The following KIAA1958 variants were observed in gnomAD, a reference collection of about 807,000 sequenced individuals.
The protein encoded by KIAA1958 is uncharacterized protein KIAA1958.
A neutral mutation model predicts 47.2 loss-of-function variants in KIAA1958; 14 were observed. The ratio of observed to expected loss-of-function variants is 0.30; its 90% CI spans 0.20 to 0.46. The LOEUF (loss-of-function observed/expected upper bound fraction) is 0.46, where lower values mean the gene tolerates loss of function less well. KIAA1958 is among the 20% of genes least tolerant of loss of function. KIAA1958 has a pLI of 1.00. For synonymous variants in KIAA1958, 354 were observed against 353.3 expected (o/e 1.00, Z -0.02); for missense variants, 803 against 909.2 (o/e 0.88, Z 1.50).
At chr9:112,502,899 C>G (rs1314740351) in intron 1 of KIAA1958, among the ~76,000 whole-genome samples, 1 of 152,176 alleles carries the variant, frequency 6.6e-6, no homozygotes, top group Non-Finnish European at 1.5e-5. Flanking sequence ...GAATTATTGG[C>G]TAAATCCTTG....
intron 1 of KIAA1958, among the ~76,000 whole-genome samples, chr9:112,566,193 G>A (rs562955448): frequency 2.6e-5 from 4 of 151,928 alleles, no homozygotes; most frequent in African/African-American, 4.8e-5. Context: ...ATGAGCCACC[G>A]TGCCTAGCCT....
chr9:112,493,694 T>C (rs7865240), intron 1 of KIAA1958, among the ~76,000 whole-genome samples: 145,069 of 152,312 alleles, frequency 0.95, 69,133 homozygotes, highest in South Asian at 0.98. Context: ...CTGAAGTTCA[T>C]TGAATTCTTG....
At chr9:112,631,820 T>G (rs1382885200) in intron 2 of KIAA1958, among the ~76,000 whole-genome samples, 1 of 152,196 alleles carries the variant, frequency 6.6e-6, no homozygotes, top group Non-Finnish European at 1.5e-5. Flanking sequence ...TTTTTGAAAG[T>G]AGATTTTTAT....
intron 2 of KIAA1958, among the ~76,000 whole-genome samples, chr9:112,603,611 G>C (rs1266867571): frequency 6.6e-6 from 1 of 152,124 alleles, no homozygotes; most frequent in Non-Finnish European, 1.5e-5. Flanking sequence ...AGGGCCTAGA[G>C]CCCACACCAT....
intron 1 of KIAA1958, among the ~76,000 whole-genome samples, chr9:112,496,254 C>A (rs1587988044): frequency 6.6e-6 from 1 of 152,156 alleles, no homozygotes; most frequent in African/African-American, 2.4e-5. Flanking sequence ...AAACAGTCTA[C>A]AGCTGCATGC....
intron 2 of KIAA1958, among the ~76,000 whole-genome samples, chr9:112,591,363 C>T (rs1050495108): frequency 4.6e-5 from 7 of 151,128 alleles, no homozygotes; most frequent in African/African-American, 1.7e-4. Context: ...GGATTACAGG[C>T]GTGAGCCACC....
At chr9:112,550,136 C>T (rs143356487) in intron 1 of KIAA1958, among the ~76,000 whole-genome samples, 16 of 150,934 alleles carry the variant, frequency 1.1e-4, no homozygotes, top group African/African-American at 3.2e-4. Context: ...GCCTCAGAGC[C>T]GTGTTGATAA....
At chr9:112,534,295 A>G (rs1436584676) in intron 1 of KIAA1958, among the ~76,000 whole-genome samples, 3 of 152,224 alleles carry the variant, frequency 2.0e-5, no homozygotes, top group African/African-American at 7.2e-5. Context: ...TCAGAATGAA[A>G]GGACCAACAG....
Position 112,660,312 on chromosome 9 carries a change from C to T in KIAA1958, c.*243C>T, listed in dbSNP as rs1417434114. ...AACTTCGTTAGCTTTTAGAATCTAA[C>T]ACAATGTATAATTGTTACATACAAG... On this transcript the variant is annotated 3_prime_UTR_variant, in exon 4 of 4. Transcript: ENST00000337530. 5 of 546,660 alleles carry T rather than the reference C, an allele frequency of 9.1e-6. No individual in the cohort carries two copies. Among genetic ancestry groups the T allele is most frequent in the Non-Finnish European group, 1.3e-5 (4 of 304,846 alleles). The allele number at this position is 546,660 out of a possible 1,614,324, so 33.9% of individuals were successfully genotyped here.
chr9:112,606,144 A>G (rs1836230448), intron 2 of KIAA1958, among the ~76,000 whole-genome samples: 1 of 152,180 alleles, frequency 6.6e-6, no homozygotes, highest in African/African-American at 2.4e-5. Flanking sequence ...GAGAGCAGGT[A>G]TCAAGGATGG....
chr9:112,569,659 C>T (rs10817360), intron 1 of KIAA1958, among the ~76,000 whole-genome samples: 45,105 of 150,276 alleles, frequency 0.3, 7,015 homozygotes, highest in Middle Eastern at 0.41. Flanking sequence ...TTGCTCTTGT[C>T]ACCCAGGCTG....
At chr9:112,601,254 G>C (rs1323326042) in intron 2 of KIAA1958, among the ~76,000 whole-genome samples, 1 of 152,152 alleles carries the variant, frequency 6.6e-6, no homozygotes, top group Non-Finnish European at 1.5e-5. Context: ...CTAATAATAG[G>C]ACCAGTCAGT....
chr9:112,513,219 G>T (rs1834351705), intron 1 of KIAA1958, among the ~76,000 whole-genome samples: 1 of 129,540 alleles, frequency 7.7e-6, no homozygotes, highest in South Asian at 2.8e-4. Flanking sequence ...TGGCCAGGCT[G>T]GTCTGGAACT....
intron 1 of KIAA1958, among the ~76,000 whole-genome samples, chr9:112,525,918 T>TTTCTTCTTCTTC (rs758525184): frequency 1.1e-4 from 11 of 96,504 alleles, no homozygotes; most frequent in Non-Finnish European, 2.2e-4. Context: ...ATTTATATTC[T>TTTCTTCTTCTTC]TTCTTCTTCT....
chr9:112,627,050 G>A (rs190312791), intron 2 of KIAA1958, among the ~76,000 whole-genome samples: 1 of 152,308 alleles, frequency 6.6e-6, no homozygotes, highest in African/African-American at 2.4e-5. Context: ...TTAAGTAACT[G>A]TGTACTTCAT....
rs771478689 is a variant in KIAA1958, at chr9:112,618,646, G to A, written c.1172-27004G>A. 2.4e-5 allele frequency: 37 copies of A among 1,550,596 alleles called. No individual in the cohort carries two copies. Among genetic ancestry groups the A allele is most frequent in the Non-Finnish European group, 2.9e-5 (33 of 1,147,026 alleles). On this transcript the variant is annotated intron_variant, in intron 2 of 3. Coordinates refer to ENST00000337530, the MANE Select transcript of KIAA1958 (RefSeq NM_133465.4). This position sits in a 1 kb window ranked among gnomAD's most constrained non-coding sequence, Gnocchi z 7.1. ...CCATCAAGCCAGTCGTGAACCTGGC[G>A]GCTCTGCATTGGTACAACTGCCAGG...
At chr9:112,498,540 G>A (rs1284782344) in intron 1 of KIAA1958, among the ~76,000 whole-genome samples, 1 of 149,818 alleles carries the variant, frequency 6.7e-6, no homozygotes, top group Non-Finnish European at 1.5e-5. Flanking sequence ...AACAGCCTTT[G>A]AAGATTCTTT....
At chr9:112,612,024 T>C (rs866744072) in intron 2 of KIAA1958, among the ~76,000 whole-genome samples, 7 of 116,230 alleles carry the variant, frequency 6.0e-5, no homozygotes, top group Middle Eastern at 4.7e-3. Context: ...ATATATATTA[T>C]TGACAAAGGG....
intron 2 of KIAA1958, among the ~76,000 whole-genome samples, chr9:112,621,923 G>C (rs900561564): frequency 3.6e-4 from 55 of 152,038 alleles, no homozygotes; most frequent in African/African-American, 1.3e-3. Flanking sequence ...CTAATTTTTT[G>C]TAGAGATGGG....
Sources: allele counts gnomAD v4.1 joint callset (sites outside exome capture counted in the v4.1 genomes callset), GRCh38; gene constraint gnomAD v4.1.1; non-coding constraint Gnocchi (gnomAD v3.1); transcripts MANE v1.5; gene names NCBI Gene and HGNC (gene_info 2026-07-23, HGNC 2026-07-21).